Variants in RPL38 observed in about 807,000 individuals in gnomAD.
RPL38 encodes ribosomal protein L38.
In RPL38, 2 loss-of-function variants were observed where a neutral mutation model predicts 12.8. That is an observed-to-expected ratio of 0.16 (90% confidence interval 0.06 to 0.49). RPL38 has a LOEUF of 0.49. Ranked by LOEUF, RPL38 falls within the 20% of genes least tolerant of loss-of-function variation. The pLI is 0.96. For synonymous variants in RPL38, 42 were observed against 30.1 expected (o/e 1.39, Z -1.29); for missense variants, 52 against 79.8 (o/e 0.65, Z 1.33).
chr17:74,205,890 C>T (rs2050109137), intron 3 of RPL38: 1 of 152,158 alleles, frequency 6.6e-6, no homozygotes, highest in African/African-American at 2.4e-5. Context: ...CATGGTGGCA[C>T]ACGCCTGCAG....
intron 3 of RPL38, chr17:74,204,399 T>G (rs936420227): frequency 3.4e-6 from 2 of 581,118 alleles, no homozygotes; most frequent in Non-Finnish European, 6.1e-6. Flanking sequence ...CATCTTTAGC[T>G]AATCGCGATC....
At chr17:74,206,708 CTTTTTTTTT>C (rs35333460) in intron 3 of RPL38, among the ~76,000 whole-genome samples, 1,943 of 101,596 alleles carry the variant, frequency 0.019, 47 homozygotes, top group African/African-American at 0.07. Context: ...TTTTTTCTTT[CTTTTTTTTT>C]TTTTTTTTTT....
At chr17:74,205,643 G>A (rs1463866708) in intron 3 of RPL38, 1 of 152,194 alleles carries the variant, frequency 6.6e-6, no homozygotes, top group Non-Finnish European at 1.5e-5. Flanking sequence ...TGGGGTCACT[G>A]CCTAGTTTGA....
intron 3 of RPL38, among the ~76,000 whole-genome samples, chr17:74,208,767 C>T (rs978625115): frequency 2.0e-5 from 3 of 152,102 alleles, no homozygotes; most frequent in African/African-American, 7.2e-5. Context: ...AACCCCATCT[C>T]TACTAAAAAT....
At position 74,210,490 on chromosome 17, in the gene RPL38, C is replaced by G. The variant is rs1355431552; in HGVS notation, c.*661C>G. ...GAAATGACTACACTTTTGCCTGTTTCCTCAGTTGGAAAATAGCCATATTAA... is the reference window on the plus strand; with the variant it reads ...GAAATGACTACACTTTTGCCTGTTTGCTCAGTTGGAAAATAGCCATATTAA... On this transcript the variant is annotated 3_prime_UTR_variant, in exon 5 of 5. Transcript: ENST00000311111. 2 of 152,264 alleles carry G rather than the reference C, an allele frequency of 1.3e-5. No homozygotes were observed. Among genetic ancestry groups the G allele is most frequent in the African/African-American group, 4.8e-5 (2 of 41,430 alleles). 9.4% of individuals were successfully genotyped at this position (152,264 alleles called of 1,614,324 possible). A position where few individuals can be genotyped will look rare whatever the true frequency, so the allele number is the denominator to read the frequency against.
intron 3 of RPL38, chr17:74,204,726 C>T (rs909877743): frequency 6.6e-6 from 1 of 152,412 alleles, no homozygotes; most frequent in Non-Finnish European, 1.5e-5. Flanking sequence ...TTCTTTGAGA[C>T]AGTCTGGCTC....
intron 3 of RPL38, chr17:74,206,378 G>A (rs1286898788): frequency 2.0e-5 from 3 of 152,158 alleles, no homozygotes; most frequent in Non-Finnish European, 4.4e-5. Context: ...AGGCTATAGT[G>A]AGCCACGATT....
intron 4 of RPL38, chr17:74,209,555 G>T (rs752067032): frequency 1.9e-5 from 12 of 626,984 alleles, no homozygotes; most frequent in African/African-American, 3.7e-5. Flanking sequence ...ACCCTTCGAG[G>T]TTGGTGCTAG....
chr17:74,207,908 T>C (rs1212337548), intron 3 of RPL38, among the ~76,000 whole-genome samples: 1 of 152,236 alleles, frequency 6.6e-6, no homozygotes, highest in African/African-American at 2.4e-5. Context: ...TTTGGATGAA[T>C]ATCCAGGTGT....
In RPL38 at chr17:74,209,978, CTTT is replaced by C. The variant is rs58720199; in HGVS notation, c.*166_*168del. 0.02 allele frequency: 7,259 copies of C among 354,412 alleles called. 8 individuals carry two copies. The highest frequency in any genetic ancestry group is 0.048 in the East Asian group (846 of 17,482). The allele number at this position is 354,412 out of a possible 1,614,324, so 22.0% of individuals were successfully genotyped here. On this transcript the variant is annotated 3_prime_UTR_variant, in exon 5 of 5. Transcript: ENST00000311111. ...GGGTTCTGTTGCTGCCTTCCTGTGT[CTTT>C]TTTTTTTTTTTTTTTTCTTTCTTTG... is the stretch of plus-strand genomic sequence containing the variant.
chr17:74,209,482 A>G, intron 4 of RPL38, 173 bp downstream of exon 4: 4 of 733,518 alleles, frequency 5.5e-6, no homozygotes, highest in Non-Finnish European at 8.9e-6. Flanking sequence ...CAGATTATAT[A>G]CAGTACCAGA....
intron 3 of RPL38, among the ~76,000 whole-genome samples, chr17:74,208,480 G>A (rs1425023921): frequency 5.9e-5 from 9 of 152,202 alleles, no homozygotes; most frequent in African/African-American, 1.9e-4. Context: ...CTGGGTGCGT[G>A]TTGTGCGCAG....
chr17:74,204,237 C>T (rs777437328), intron 3 of RPL38, 47 bp downstream of exon 3: 2 of 1,564,638 alleles, frequency 1.3e-6, no homozygotes, highest in East Asian at 2.2e-5. Flanking sequence ...CCTAGCCTGG[C>T]ACCGCTCCGG....
rs1315049261 is a variant in RPL38 at position 74,203,711 on chromosome 17, G to C, written c.-73G>C. The stretch of plus-strand genomic sequence containing the variant: ...TCCTTTTCCCCGGTTGCTGCTTGCT[G>C]TGAGTGTCTCTAGGGTGATACGTGG... On this transcript the variant is annotated 5_prime_UTR_variant, in exon 1 of 5. Coordinates refer to ENST00000311111, the MANE Select transcript of RPL38 (RefSeq NM_000999.4). The C allele has an allele frequency of 1.9e-6, 1 of 519,946 alleles. No homozygotes were observed. The highest frequency in any genetic ancestry group is 1.9e-5 in the African/African-American group (1 of 52,068). The allele number at this position is 519,946 out of a possible 1,614,324, so 32.2% of individuals were successfully genotyped here.
chr17:74,209,303 C>T lies in RPL38; in HGVS notation c.181C>T (p.Pro61Ser). ...EKAEKLKQSL[P>S]PGLAVKELK The stretch of plus-strand genomic sequence containing the variant: ...GGCAGAGAAACTGAAGCAGTCCCTG[C>T]CCCCCGGTGAGTGAGCCTGAAGTCA... The change falls in exon 4 of 5, where the codon CCC becomes TCC. Residue 61 changes from proline to serine, a missense_variant. Coordinates refer to ENST00000311111, the MANE Select transcript of RPL38 (RefSeq NM_000999.4). 1 of 1,613,692 alleles carries T rather than the reference C, an allele frequency of 6.2e-7. No individual in the cohort carries two copies. Among genetic ancestry groups the T allele is most frequent in the Non-Finnish European group, 8.5e-7 (1 of 1,179,852 alleles).
chr17:74,204,365 T>C (rs544986260), intron 3 of RPL38, 175 bp downstream of exon 3: 17 of 614,356 alleles, frequency 2.8e-5, no homozygotes, highest in Non-Finnish European at 4.6e-5. Context: ...GGGGGGCACG[T>C]TGAGGCCCTG....
At chr17:74,204,468 C>T in intron 3 of RPL38, 2 of 453,918 alleles carry the variant, frequency 4.4e-6, no homozygotes. Context: ...ATTGTCGGAA[C>T]GGAATCTCCA....
intron 4 of RPL38, 171 bp downstream of exon 4, chr17:74,209,480 A>T (rs530213766): frequency 8.9e-4 from 660 of 738,596 alleles, no homozygotes; most frequent in Non-Finnish European, 1.3e-3. Context: ...CTCAGATTAT[A>T]TACAGTACCA....
chr17:74,204,505 C>G lies in RPL38; in HGVS notation c.64+315C>G, dbSNP rs1435938124. 4 of 398,114 alleles carry G rather than the reference C, an allele frequency of 1.0e-5. No individual in the cohort carries two copies. In the East Asian group the frequency reaches 2.1e-4, roughly 21 times the overall value. The allele number at this position is 398,114 out of a possible 1,614,324, so 24.7% of individuals were successfully genotyped here. A position where few individuals can be genotyped will look rare whatever the true frequency, so the allele number is the denominator to read the frequency against. ...TCCGCGAAAGCCTCAAAACACACGT[C>G]CCATAAACACTGTTTAGGTTCTCTG... On this transcript the variant is annotated intron_variant, in intron 3 of 4. Transcript: ENST00000311111.
Sources: gnomAD v4.1 joint callset for allele counts (sites outside exome capture counted in the v4.1 genomes callset) on GRCh38, gnomAD v4.1.1 for gene constraint, MANE v1.5 for transcripts, NCBI Gene and HGNC (gene_info 2026-07-23, HGNC 2026-07-21) for gene names.